Variants in ETS2 observed in about 807,000 individuals in gnomAD.
The protein encoded by ETS2 is protein C-ets-2.
Under a neutral mutation model 54.9 loss-of-function variants are expected in ETS2, and 19 were observed. The observed-to-expected ratio is 0.35, with a 90% CI of 0.24 to 0.51. The LOEUF (loss-of-function observed/expected upper bound fraction) is 0.51. Ranked by LOEUF, ETS2 falls within the 20% of genes least tolerant of loss-of-function variation. The probability of loss-of-function intolerance (pLI) is 0.97; values close to 1 mark genes in which losing one functional copy is unlikely to be tolerated. For missense variants in ETS2, 417 were observed against 593.0 expected (o/e 0.70, Z 3.08); for synonymous variants, 219 against 229.3 (o/e 0.95, Z 0.41).
chr21:38,820,664 C>T (rs1372808148), intron 8 of ETS2, among the ~76,000 whole-genome samples: 3 of 152,178 alleles, frequency 2.0e-5, no homozygotes, highest in African/African-American at 7.2e-5. Context: ...GGTATGAGGC[C>T]ATTTTACAGA....
chr21:38,821,699 G>A lies in ETS2; in HGVS notation c.1189G>A (p.Asp397Asn). Residue 397 changes from aspartate (D) to asparagine (N), a missense_variant, in exon 9 of 10, where the codon GAT becomes AAT. This residue lies in a region of ETS2 where 60 missense variants were observed against 134.1 expected (regional missense o/e 0.45). Transcript: ENST00000360938. This position sits in a 1 kb window ranked among gnomAD's most constrained non-coding sequence, Gnocchi z 4.2. The stretch of plus-strand genomic sequence containing the variant: ...ATGGGAGTTTAAGCTCGCCGACCCC[G>A]ATGAGGTATGGCCAGAGCCCTGGGA... The part of the protein sequence containing the change: ...DGWEFKLADP[D>N]EVARRWGKRK... 4.4e-6 allele frequency: 7 copies of A among 1,605,914 alleles called. No individual in the cohort carries two copies. The highest frequency in any genetic ancestry group is 2.2e-5 in the South Asian group (2 of 90,908).
In ETS2 at chr21:38,814,176, A is replaced by C. The variant is rs2060923838; in HGVS notation, c.185-97A>C. The C allele has an allele frequency of 2.3e-6, 3 of 1,295,706 alleles. No homozygotes were observed. The African/African-American group carries it at 4.4e-5, about 19-fold the overall frequency. The allele number at this position is 1,295,706 out of a possible 1,614,324, so 80.3% of individuals were successfully genotyped here. On this transcript the variant is annotated intron_variant, in intron 3 of 9. Coordinates refer to ENST00000360938, the MANE Select transcript of ETS2 (RefSeq NM_005239.6). The surrounding 1 kb of genome is among the most constrained non-coding windows in gnomAD (Gnocchi z 4.2). ...GAATCATGCCAAGGTTTGAGATCAA[A>C]ATTGTTCTTTTCCAAAAACTAAGAT... is the stretch of plus-strand genomic sequence containing the variant.
chr21:38,805,493 G>A (rs948328776), upstream of ETS2: 40 of 1,287,948 alleles, frequency 3.1e-5, no homozygotes, highest in Non-Finnish European at 3.9e-5. This position sits in a 1 kb window ranked among gnomAD's most constrained non-coding sequence, Gnocchi z 5.2. Flanking sequence ...GCGCTCCACG[G>A]AAAGTCTCCG....
chr21:38,805,977 G>A lies in ETS2; in HGVS notation c.-144G>A, dbSNP rs2060890568. 1.6e-6 allele frequency: 2 copies of A among 1,264,534 alleles called. No homozygotes were observed. Among genetic ancestry groups the A allele is most frequent in the Admixed American group, 2.5e-5 (1 of 40,600 alleles). The allele number at this position is 1,264,534 out of a possible 1,614,324, so 78.3% of individuals were successfully genotyped here. The stretch of plus-strand genomic sequence containing the variant: ...GAGTGCGGTGTCGCTCCAGCTCAGA[G>A]CTCCCGGAGCCGCCCGGCCAGCGTC... On this transcript the variant is annotated 5_prime_UTR_variant, in exon 1 of 10. Transcript: ENST00000360938. This position sits in a 1 kb window ranked among gnomAD's most constrained non-coding sequence, Gnocchi z 5.2.
At position 38,819,415 on chromosome 21, in the gene ETS2, A is replaced by C. The variant is rs148255715; in HGVS notation, c.812-88A>C. The C allele has an allele frequency of 5.5e-4, 665 of 1,214,176 alleles. 6 individuals are homozygous for C. In the African/African-American group the frequency reaches 8.5e-3, roughly 15 times the overall value. 75.2% of individuals were successfully genotyped at this position (1,214,176 alleles called of 1,614,324 possible). ...TCTACACCAGCAGGTGCATGATTGC[A>C]CTGGTAGTGGTTGGTGATGCTATGG... is the stretch of plus-strand genomic sequence containing the variant. On this transcript the variant is annotated intron_variant, in intron 7 of 9. Transcript: ENST00000360938.
intron 5 of ETS2, among the ~76,000 whole-genome samples, chr21:38,815,507 T>C (rs1244640094): frequency 1.3e-5 from 2 of 152,160 alleles, no homozygotes; most frequent in African/African-American, 4.8e-5. Flanking sequence ...GAAATTGATA[T>C]ATATTTACAC....
At position 38,818,477 on chromosome 21, in the gene ETS2, AG is replaced by A; in HGVS notation, c.644del (p.Gly215AlafsTer49). Reference protein sequence around the residue: ...YGMQTQNYPKGGLLDSMCPAS... With the variant: ...YGMQTQNYPKXGLLDSMCPAS... ...GAATGCAGACACAGAATTACCCCAA[AG>A]GCGGCCTCCTGGACAGCATGTGTCC... is the stretch of plus-strand genomic sequence containing the variant. On this transcript the variant is annotated frameshift_variant, in exon 7 of 10. Coordinates refer to ENST00000360938, the MANE Select transcript of ETS2 (RefSeq NM_005239.6). LOFTEE classifies it high-confidence loss of function. 6.2e-7 allele frequency: 1 copy of A among 1,614,188 alleles called. No individual in the cohort carries two copies. The highest frequency in any genetic ancestry group is 8.5e-7 in the Non-Finnish European group (1 of 1,180,034).
chr21:38,821,647 G>A lies in ETS2; in HGVS notation c.1137G>A (p.Gln379=), dbSNP rs776691299. 1.3e-4 allele frequency: 212 copies of A among 1,614,070 alleles called. 3 individuals carry two copies. The highest frequency in any genetic ancestry group is 1.5e-4 in the Non-Finnish European group (172 of 1,180,028). The change falls in exon 9 of 10, where the codon CAG becomes CAA. Residue 379 remains glutamine, a synonymous_variant. Transcript: ENST00000360938. This position sits in a 1 kb window ranked among gnomAD's most constrained non-coding sequence, Gnocchi z 4.2. The part of the protein sequence containing the change: ...LLELLSDKSC[Q]SFISWTGDGW... The stretch of plus-strand genomic sequence containing the variant: ...AGCTGCTATCAGACAAATCCTGCCA[G>A]TCATTCATCAGCTGGACTGGAGACG...
chr21:38,822,685 G>C lies in ETS2; in HGVS notation c.1206G>C (p.Arg402=). The change falls in exon 10 of 10, where the codon CGG becomes CGC. Residue 402 remains arginine, a synonymous_variant. Transcript: ENST00000360938. ...KLADPDEVAR[R]WGKRKNKPKM... ...CATGTTCACCAAAGGTGGCCCGCCG[G>C]TGGGGAAAGAGGAAAAATAAGCCCA... 1 of 1,613,658 alleles carries C rather than the reference G, an allele frequency of 6.2e-7. No homozygotes were observed. The highest frequency in any genetic ancestry group is 2.2e-5 in the East Asian group (1 of 44,868).
In ETS2 at chr21:38,814,358, C is replaced by T. The variant is rs1429482501; in HGVS notation, c.270C>T (p.Phe90=). Residue 90 remains phenylalanine (F), a synonymous_variant, in exon 4 of 10, where the codon TTC becomes TTT. Coordinates refer to ENST00000360938, the MANE Select transcript of ETS2 (RefSeq NM_005239.6). This position sits in a 1 kb window ranked among gnomAD's most constrained non-coding sequence, Gnocchi z 4.2. The part of the protein sequence containing the change: ...SQALKATFSG[F]KKEQRRLGIP... ...CCTTAAAAGCTACCTTCAGTGGCTT[C>T]AAAAAGGAACAGCGGCGCCTGGGCA... 1 of 1,614,092 alleles carries T rather than the reference C, an allele frequency of 6.2e-7. No individual in the cohort carries two copies. Among genetic ancestry groups the T allele is most frequent in the East Asian group, 2.2e-5 (1 of 44,880 alleles).
In ETS2 at chr21:38,814,393, G is replaced by A; in HGVS notation, c.304+1G>A. 6.2e-7 allele frequency: 1 copy of A among 1,614,074 alleles called. No homozygotes were observed. The highest frequency in any genetic ancestry group is 8.5e-7 in the Non-Finnish European group (1 of 1,180,012). On this transcript the variant is annotated splice_donor_variant, in intron 4 of 9. Transcript: ENST00000360938. LOFTEE classifies it high-confidence loss of function. This position sits in a 1 kb window ranked among gnomAD's most constrained non-coding sequence, Gnocchi z 4.2. Reference sequence around the variant, plus strand: ...CAGCGGCGCCTGGGCATTCCAAAGAGTAAGTACTGCTTTCCTGAGCCTGCA... The same window carrying A: ...CAGCGGCGCCTGGGCATTCCAAAGAATAAGTACTGCTTTCCTGAGCCTGCA...
Position 38,814,167 on chromosome 21 carries a change from T to G in ETS2, c.185-106T>G. ...TGTTTTAAGGAATCATGCCAAGGTT[T>G]GAGATCAAAATTGTTCTTTTCCAAA... On this transcript the variant is annotated intron_variant, in intron 3 of 9. Coordinates refer to ENST00000360938, the MANE Select transcript of ETS2 (RefSeq NM_005239.6). This position sits in a 1 kb window ranked among gnomAD's most constrained non-coding sequence, Gnocchi z 4.2. The G allele has an allele frequency of 6.0e-6, 7 of 1,163,462 alleles. No homozygotes were observed. The highest frequency in any genetic ancestry group is 7.5e-6 in the Non-Finnish European group (6 of 804,660). The allele number at this position is 1,163,462 out of a possible 1,614,324, so 72.1% of individuals were successfully genotyped here. A position where few individuals can be genotyped will look rare whatever the true frequency, so the allele number is the denominator to read the frequency against.
chr21:38,808,963 C>T (rs966386252), intron 1 of ETS2, among the ~76,000 whole-genome samples: 1 of 152,134 alleles, frequency 6.6e-6, no homozygotes, highest in Non-Finnish European at 1.5e-5. Flanking sequence ...TTTAGTTACT[C>T]TATTATCTAA....
intron 6 of ETS2, among the ~76,000 whole-genome samples, 153 bp from the exon 7 acceptor site, chr21:38,818,272 C>A (rs1444010077): frequency 1.3e-5 from 2 of 152,152 alleles, no homozygotes; most frequent in Non-Finnish European, 2.9e-5. Flanking sequence ...AGAAGAAGGC[C>A]TGGTGACAGA....
intron 3 of ETS2, among the ~76,000 whole-genome samples, chr21:38,813,793 G>A (rs1034401000): frequency 6.6e-6 from 1 of 152,198 alleles, no homozygotes; most frequent in African/African-American, 2.4e-5. Flanking sequence ...ATTGCTGAGG[G>A]TGTCTGGAGA....
rs760927001 is a variant in ETS2 at position 38,821,626 on chromosome 21, G to A, written c.1116G>A (p.Leu372=). The stretch of plus-strand genomic sequence containing the variant: ...AGCTGTGGCAGTTTCTCCTGGAGCT[G>A]CTATCAGACAAATCCTGCCAGTCAT... ...PIQLWQFLLE[L]LSDKSCQSFI... Residue 372 remains leucine, a synonymous_variant, in exon 9 of 10, where the codon CTG becomes CTA. Transcript: ENST00000360938. The surrounding 1 kb of genome is among the most constrained non-coding windows in gnomAD (Gnocchi z 4.2). 4.3e-6 allele frequency: 7 copies of A among 1,614,170 alleles called. No individual in the cohort carries two copies. In the South Asian group the frequency reaches 7.7e-5, roughly 18 times the overall value.
intron 1 of ETS2, among the ~76,000 whole-genome samples, chr21:38,809,455 G>A (rs1469854590): frequency 6.6e-6 from 1 of 152,202 alleles, no homozygotes; most frequent in Non-Finnish European, 1.5e-5. Flanking sequence ...ACCATGTAAG[G>A]GGGTTTGGTC....
chr21:38,819,479 T>G, intron 7 of ETS2, 24 bp from the exon 8 acceptor site: 1 of 1,611,742 alleles, frequency 6.2e-7, no homozygotes, highest in South Asian at 1.1e-5. Context: ...GGAATCAAAG[T>G]ATGTGTTTGG....
chr21:38,808,716 C>T (rs990300156), intron 1 of ETS2, among the ~76,000 whole-genome samples: 7 of 152,144 alleles, frequency 4.6e-5, no homozygotes, highest in Non-Finnish European at 8.8e-5. Context: ...TTAAATAGTT[C>T]GGTGAGCCTT....
Sources: gnomAD v4.1 joint callset for allele counts (sites outside exome capture counted in the v4.1 genomes callset) on GRCh38, gnomAD v4.1.1 for gene constraint, gnomAD v4.1.1 regional missense constraint, Gnocchi (gnomAD v3.1) non-coding constraint, MANE v1.5 for transcripts, NCBI Gene and HGNC (gene_info 2026-07-23, HGNC 2026-07-21) for gene names.